TRIM8: variants seen among roughly 807,000 people sequenced by gnomAD.
The protein encoded by TRIM8 is E3 ubiquitin-protein ligase TRIM8.
In TRIM8, 9 loss-of-function variants were observed where a neutral mutation model predicts 55.7. The ratio of observed to expected loss-of-function variants is 0.16; its 90% confidence interval spans 0.10 to 0.28. The LOEUF (loss-of-function observed/expected upper bound fraction) is 0.28, where lower values mean the gene tolerates loss of function less well. TRIM8 is among the 10% of genes least tolerant of loss of function. TRIM8 has a pLI of 1.00. For missense variants in TRIM8, 556 were observed against 736.4 expected (o/e 0.76, Z 2.83); for synonymous variants, 335 against 333.3 (o/e 1.01, Z -0.06).
chr10:102,648,571 C>T (rs1014330297), intron 1 of TRIM8, among the ~76,000 whole-genome samples: 1 of 152,146 alleles, frequency 6.6e-6, no homozygotes, highest in African/African-American at 2.4e-5. Context: ...GTATCCTGTG[C>T]ACATTGCCGG....
chr10:102,649,772 G>GGTTCA (rs2063965598), intron 1 of TRIM8, among the ~76,000 whole-genome samples: 1 of 152,200 alleles, frequency 6.6e-6, no homozygotes, highest in Admixed American at 6.5e-5. Flanking sequence ...CCCAGCCTGG[G>GGTTCA]GTTCAGTTCA....
rs1236551194 is a variant in TRIM8 at position 102,655,082 on chromosome 10, G to C, written c.669G>C (p.Glu223Asp). The C allele has an allele frequency of 6.2e-7, 1 of 1,612,886 alleles. No homozygotes were observed. Among genetic ancestry groups the C allele is most frequent in the Non-Finnish European group, 8.5e-7 (1 of 1,179,686 alleles). Residue 223 changes from glutamate (E) to aspartate (D), a missense_variant and splice_region_variant, in exon 3 of 6, where the codon GAG becomes GAC. Glu to Asp is a conservative substitution (Grantham distance 45). Coordinates refer to ENST00000643721, the MANE Select transcript of TRIM8 (RefSeq NM_030912.3). ...ACTCCTGCCCTCTGTACTCGCAGGA[G>C]AAAGTGAACCAACTGAAGGAGGAAG... ...KLESDKRLVE[E>D]KVNQLKEEVR...
chr10:102,645,523 G>A (rs1183764766), intron 1 of TRIM8: 2 of 228,222 alleles, frequency 8.8e-6, no homozygotes. Flanking sequence ...GGCCCTACGG[G>A]AAGTCACCGA....
At position 102,656,767 on chromosome 10, in the gene TRIM8, C is replaced by T; in HGVS notation, c.1069C>T (p.Pro357Ser). 1.3e-6 allele frequency: 2 copies of T among 1,512,152 alleles called. No homozygotes were observed. The highest frequency in any genetic ancestry group is 1.8e-6 in the Non-Finnish European group (2 of 1,131,188). 93.7% of individuals were successfully genotyped at this position (1,512,152 alleles called of 1,614,324 possible). ...CACAGGCCCCTTCAGCACGCCGGTG[C>T]CCTTCCTGCAGAGTGTCCCCCTGTA... ...MLEGPFSTPVPFLQSVPLYPC... is the reference protein window; with the variant it reads ...MLEGPFSTPVSFLQSVPLYPC... The change falls in exon 6 of 6, where the codon CCC becomes TCC. Residue 357 changes from proline (P) to serine (S), a missense_variant. Physicochemically the swap from Pro to Ser is moderately conservative, Grantham distance 74. Around this residue, in one of 2 missense-constraint regions of TRIM8, gnomAD observed 391 missense variants for 441.0 expected, o/e 0.89. Transcript: ENST00000643721. The surrounding 1 kb of genome is among the most constrained non-coding windows in gnomAD (Gnocchi z 4.6).
At position 102,656,844 on chromosome 10, in the gene TRIM8, C is replaced by T; in HGVS notation, c.1146C>T (p.Ala382=). 6 of 1,549,930 alleles carry T rather than the reference C, an allele frequency of 3.9e-6. No individual in the cohort carries two copies. The highest frequency in any genetic ancestry group is 5.2e-6 in the Non-Finnish European group (6 of 1,149,762). ...SGAEKRKHST[A]FPEASFLETS... ...CGGAAAAGCGCAAGCACTCAACGGC[C>T]TTCCCAGAGGCCAGTTTCCTAGAGA... Residue 382 remains alanine, a synonymous_variant, in exon 6 of 6, where the codon GCC becomes GCT. Transcript: ENST00000643721. This position sits in a 1 kb window ranked among gnomAD's most constrained non-coding sequence, Gnocchi z 4.6.
intron 1 of TRIM8, chr10:102,645,492 T>G: frequency 3.7e-6 from 1 of 270,786 alleles, no homozygotes; most frequent in Admixed American, 5.2e-5. Flanking sequence ...CGCAGCTCCC[T>G]CCCCCAGTCT....
chr10:102,655,336 CT>C (rs34032774), intron 3 of TRIM8, 23 bp downstream of exon 3: 454,007 of 1,596,078 alleles, frequency 0.28, 67,189 homozygotes, highest in African/African-American at 0.38. Flanking sequence ...CAGGACCAGG[CT>C]GGTGGCACCC....
chr10:102,657,586 C>G lies in TRIM8; in HGVS notation c.*232C>G, dbSNP rs890434261. 5 of 497,928 alleles carry G rather than the reference C, an allele frequency of 1.0e-5. No individual in the cohort carries two copies. Among genetic ancestry groups the G allele is most frequent in the Non-Finnish European group, 1.7e-5 (5 of 291,108 alleles). The allele number at this position is 497,928 out of a possible 1,614,324, so 30.8% of individuals were successfully genotyped here. ...CAGTGGGAGCTGGCCTGGGCCAGGACGGCAGGTGGCCCTGGAGATGGGAAA... is the reference window on the plus strand; with the variant it reads ...CAGTGGGAGCTGGCCTGGGCCAGGAGGGCAGGTGGCCCTGGAGATGGGAAA... On this transcript the variant is annotated 3_prime_UTR_variant, in exon 6 of 6. Transcript: ENST00000643721.
rs907601293 is a variant in TRIM8 at position 102,658,026 on chromosome 10, C to T, written c.*672C>T. 1.3e-5 allele frequency: 2 copies of T among 152,248 alleles called. No homozygotes were observed. Among genetic ancestry groups the T allele is most frequent in the Non-Finnish European group, 2.9e-5 (2 of 67,980 alleles). 9.4% of individuals were successfully genotyped at this position (152,248 alleles called of 1,614,324 possible). A position where few individuals can be genotyped will look rare whatever the true frequency, so the allele number is the denominator to read the frequency against. On this transcript the variant is annotated 3_prime_UTR_variant, in exon 6 of 6. Coordinates refer to ENST00000643721, the MANE Select transcript of TRIM8 (RefSeq NM_030912.3). ...TATGTCCAGGAAAGGGGAAAAGGAA[C>T]TTTGCCAATGATAGTGACCACAGCA...
rs1450433237 is a variant in TRIM8, at chr10:102,644,606, C to A, written c.-12C>A. 6.2e-7 allele frequency: 1 copy of A among 1,609,570 alleles called. No homozygotes were observed. The highest frequency in any genetic ancestry group is 1.7e-5 in the Admixed American group (1 of 59,852). ...CGGGGAGGCCTGCCCCGGCCCCCTG[C>A]CCGCGGCCGCCATGGCGGAGAATTG... On this transcript the variant is annotated 5_prime_UTR_variant, in exon 1 of 6. Transcript: ENST00000643721.
intron 1 of TRIM8, 145 bp downstream of exon 1, chr10:102,645,332 T>A: frequency 1.1e-6 from 1 of 946,762 alleles, no homozygotes. Context: ...TCTCTGAAAG[T>A]TTGGGGACAG....
intron 1 of TRIM8, among the ~76,000 whole-genome samples, chr10:102,651,903 G>A (rs1011425249): frequency 6.6e-6 from 1 of 152,246 alleles, no homozygotes; most frequent in Non-Finnish European, 1.5e-5. Flanking sequence ...ACCTCTGGCT[G>A]TGCCCGCCAG....
At chr10:102,654,887 C>A in intron 2 of TRIM8, 139 bp downstream of exon 2, 1 of 892,058 alleles carries the variant, frequency 1.1e-6, no homozygotes, top group Middle Eastern at 2.9e-4. Flanking sequence ...CCCGTGGATG[C>A]CCACTGGTGC....
At chr10:102,647,987 G>A (rs918110425) in intron 1 of TRIM8, among the ~76,000 whole-genome samples, 1 of 152,208 alleles carries the variant, frequency 6.6e-6, no homozygotes, top group Non-Finnish European at 1.5e-5. Flanking sequence ...TCAGAATCAG[G>A]CCCAAGCAGG....
At chr10:102,645,368 C>T (rs548938270) in intron 1 of TRIM8, 181 bp downstream of exon 1, 1 of 635,772 alleles carries the variant, frequency 1.6e-6, no homozygotes, top group African/African-American at 1.9e-5. Flanking sequence ...GGCCCCGGGT[C>T]GCTACTTGGT....
chr10:102,656,381 A>G lies in TRIM8; in HGVS notation c.1044A>G (p.Leu348=). ...AGGAGAAGCAGCTGCGGAAAATGCT[A>G]GAAGGTGAGGGTGGGGTGTTCCGCC... The part of the protein sequence containing the change: ...AKKEKQLRKM[L]EGPFSTPVPF... The change falls in exon 5 of 6, where the codon CTA becomes CTG. Residue 348 remains leucine, a synonymous_variant. Coordinates refer to ENST00000643721, the MANE Select transcript of TRIM8 (RefSeq NM_030912.3). This position sits in a 1 kb window ranked among gnomAD's most constrained non-coding sequence, Gnocchi z 4.6. 6.2e-7 allele frequency: 1 copy of G among 1,611,972 alleles called. No individual in the cohort carries two copies. Among genetic ancestry groups the G allele is most frequent in the Non-Finnish European group, 8.5e-7 (1 of 1,178,968 alleles).
Position 102,656,857 on chromosome 10 carries a change from A to G in TRIM8, c.1159A>G (p.Ser387Gly). ...GCACTCAACGGCCTTCCCAGAGGCCAGTTTCCTAGAGACGTCGTCGGGCCC... is the reference window on the plus strand; with the variant it reads ...GCACTCAACGGCCTTCCCAGAGGCCGGTTTCCTAGAGACGTCGTCGGGCCC... ...RKHSTAFPEA[S>G]FLETSSGPVG... The change falls in exon 6 of 6, where the codon AGT becomes GGT. Residue 387 changes from serine to glycine, a missense_variant. Ser to Gly is a moderately conservative substitution (Grantham distance 56). Around this residue, in one of 2 missense-constraint regions of TRIM8, gnomAD observed 391 missense variants for 441.0 expected, o/e 0.89. Transcript: ENST00000643721. The surrounding 1 kb of genome is among the most constrained non-coding windows in gnomAD (Gnocchi z 4.6). 1 of 1,557,852 alleles carries G rather than the reference A, an allele frequency of 6.4e-7. No homozygotes were observed. Among genetic ancestry groups the G allele is most frequent in the East Asian group, 2.3e-5 (1 of 44,384 alleles).
At chr10:102,655,502 T>C (rs866347662) in intron 3 of TRIM8, among the ~76,000 whole-genome samples, 189 bp downstream of exon 3, 11 of 152,206 alleles carry the variant, frequency 7.2e-5, no homozygotes, top group Non-Finnish European at 5.9e-5. Context: ...CGGGCCTTGT[T>C]CCCTCACCTA....
In TRIM8 at chr10:102,657,000, A is replaced by T; in HGVS notation, c.1302A>T (p.Pro434=). 1 of 1,612,568 alleles carries T rather than the reference A, an allele frequency of 6.2e-7. No homozygotes were observed. Among genetic ancestry groups the T allele is most frequent in the African/African-American group, 1.3e-5 (1 of 75,022 alleles). ...TGGCCCTGCCGGGCGGCGCCCAACC[A>T]GTGCACTCAAGCCCCGTGTTCCCCC... The part of the protein sequence containing the change: ...HLVALPGGAQ[P]VHSSPVFPPS... Residue 434 remains proline, a synonymous_variant, in exon 6 of 6, where the codon CCA becomes CCT. Coordinates refer to ENST00000643721, the MANE Select transcript of TRIM8 (RefSeq NM_030912.3). The surrounding 1 kb of genome is among the most constrained non-coding windows in gnomAD (Gnocchi z 4.6).
Sources: gnomAD v4.1 joint callset for allele counts (sites outside exome capture counted in the v4.1 genomes callset) on GRCh38, gnomAD v4.1.1 for gene constraint, gnomAD v4.1.1 regional missense constraint, Gnocchi (gnomAD v3.1) non-coding constraint, MANE v1.5 for transcripts, NCBI Gene and HGNC (gene_info 2026-07-23, HGNC 2026-07-21) for gene names.